The following WDR70 variants were observed in gnomAD, a reference collection of about 807,000 sequenced individuals.
WDR70 encodes WD repeat domain 70.
A neutral mutation model predicts 88.6 loss-of-function variants in WDR70; 53 were observed. The ratio of observed to expected loss-of-function variants is 0.60; its 90% confidence interval spans 0.48 to 0.75. The LOEUF (loss-of-function observed/expected upper bound fraction) is 0.75, where lower values mean the gene tolerates loss of function less well. Among genes scored for constraint, WDR70 ranks in the 30% least tolerant of loss-of-function variants. The pLI is 0.00. For missense variants in WDR70, 610 were observed against 823.2 expected, an observed-to-expected ratio of 0.74 and a Z score of 3.17; for synonymous variants, 280 against 270.0, an observed-to-expected ratio of 1.04 and a Z score of -0.36.
In WDR70 at chr5:37,524,291, G is replaced by A. The variant is rs1339131343; in HGVS notation, c.917+7701G>A. ...AATAACAGCTGATTTCTCGGCAGAA[G>A]CTCTACAAGCCAGAAGAGAGTGGGG... On this transcript the variant is annotated intron_variant, in intron 9 of 17. Coordinates refer to ENST00000265107, the MANE Select transcript of WDR70 (RefSeq NM_018034.4). 3.3e-5 allele frequency among the ~76,000 whole-genome samples: 5 copies of A among 152,266 alleles called. No homozygotes were observed. In the Middle Eastern group the frequency reaches 0.01, roughly 311 times the overall value.
At chr5:37,557,484 A>T (rs1008414712) in intron 9 of WDR70, among the ~76,000 whole-genome samples, 2 of 152,224 alleles carry the variant, frequency 1.3e-5, no homozygotes, top group South Asian at 4.1e-4. Context: ...GTGAACTCTT[A>T]TAAGCACTTT....
intron 9 of WDR70, among the ~76,000 whole-genome samples, chr5:37,565,688 A>AT (rs899967291): frequency 6.6e-6 from 1 of 151,962 alleles, no homozygotes; most frequent in Non-Finnish European, 1.5e-5. Flanking sequence ...GAATTTAAAC[A>AT]TTTTTTTTAA....
intron 4 of WDR70, among the ~76,000 whole-genome samples, chr5:37,394,893 T>C (rs575134712): frequency 1.6e-4 from 25 of 152,228 alleles, no homozygotes; most frequent in Non-Finnish European, 3.1e-4. Context: ...TACCTCTGTT[T>C]AAGGGTAACC....
intron 5 of WDR70, among the ~76,000 whole-genome samples, chr5:37,434,671 T>C (rs1378169828): frequency 6.6e-6 from 1 of 152,210 alleles, no homozygotes; most frequent in Non-Finnish European, 1.5e-5. Context: ...CATATTATTT[T>C]AGATATATTT....
chr5:37,413,870 G>A (rs1749604122), intron 5 of WDR70, among the ~76,000 whole-genome samples: 1 of 151,968 alleles, frequency 6.6e-6, no homozygotes, highest in Non-Finnish European at 1.5e-5. Context: ...ATCTTGCCGG[G>A]CACAGTGGCT....
rs970163407 is a variant in WDR70, at chr5:37,396,448, C to A, written c.370C>A (p.Pro124Thr). ...TGAGTTAATTGGCCCTCCTTTACCC[C>A]CTAAAATGGTAGGAAAACCAGTTAA... The part of the protein sequence containing the change: ...DDELIGPPLP[P>T]KMVGKPVNFM... The change falls in exon 5 of 18, where the codon CCT becomes ACT. Residue 124 changes from proline (P) to threonine (T), a missense_variant. Pro to Thr is a conservative substitution (Grantham distance 38, BLOSUM62 -1). This residue lies in a region of WDR70 where 203 missense variants were observed against 228.1 expected (regional missense o/e 0.89). Transcript: ENST00000265107. The A allele has an allele frequency of 5.6e-6, 9 of 1,613,946 alleles. No homozygotes were observed. The highest frequency in any genetic ancestry group is 7.6e-6 in the Non-Finnish European group (9 of 1,180,002).
At chr5:37,474,572 CTTTTA>C (rs1156239300) in intron 7 of WDR70, among the ~76,000 whole-genome samples, 1 of 152,052 alleles carries the variant, frequency 6.6e-6, no homozygotes, top group Non-Finnish European at 1.5e-5. Context: ...TAATCTTCAG[CTTTTA>C]TTTTAAGTTC....
chr5:37,597,777 G>C (rs2112461830), intron 9 of WDR70, among the ~76,000 whole-genome samples: 1 of 152,256 alleles, frequency 6.6e-6, no homozygotes, highest in African/African-American at 2.4e-5. Flanking sequence ...CTAGCCTGCA[G>C]AACTATGAGC....
At chr5:37,696,073 G>A (rs1397529308) in intron 10 of WDR70, among the ~76,000 whole-genome samples, 1 of 152,156 alleles carries the variant, frequency 6.6e-6, no homozygotes, top group Non-Finnish European at 1.5e-5. Flanking sequence ...TTGTCGCTCT[G>A]TGTGCTGATC....
chr5:37,676,077 T>G (rs1177983793), intron 10 of WDR70, among the ~76,000 whole-genome samples: 1 of 145,590 alleles, frequency 6.9e-6, no homozygotes, highest in Non-Finnish European at 1.5e-5. Context: ...TTTTTGTACA[T>G]TGATTTTGTA....
At chr5:37,451,353 A>G (rs566679403) in intron 7 of WDR70, among the ~76,000 whole-genome samples, 4 of 152,152 alleles carry the variant, frequency 2.6e-5, no homozygotes, top group Non-Finnish European at 5.9e-5. Context: ...GTGCTGTCCA[A>G]TATAACTTTC....
At chr5:37,437,203 T>C (rs971947628) in intron 5 of WDR70, among the ~76,000 whole-genome samples, 1 of 152,198 alleles carries the variant, frequency 6.6e-6, no homozygotes, top group African/African-American at 2.4e-5. Context: ...CCCACTTCAG[T>C]AAATGCTTAT....
At chr5:37,647,854 T>A (rs1685739727) in intron 10 of WDR70, among the ~76,000 whole-genome samples, 1 of 152,188 alleles carries the variant, frequency 6.6e-6, no homozygotes, top group African/African-American at 2.4e-5. Flanking sequence ...CTGAAGCCAG[T>A]ACAGCATTGA....
At chr5:37,533,402 A>G (rs1194861387) in intron 9 of WDR70, among the ~76,000 whole-genome samples, 1 of 152,012 alleles carries the variant, frequency 6.6e-6, no homozygotes, top group Non-Finnish European at 1.5e-5. Context: ...CACTATCCTG[A>G]CCAACATGGT....
intron 8 of WDR70, among the ~76,000 whole-genome samples, chr5:37,494,626 G>C (rs1740163507): frequency 6.6e-6 from 1 of 152,154 alleles, no homozygotes; most frequent in Admixed American, 6.5e-5. Context: ...GTGATATCTA[G>C]AGCCTAAAAC....
chr5:37,596,511 AC>A (rs1282712361), intron 9 of WDR70, among the ~76,000 whole-genome samples: 1 of 152,042 alleles, frequency 6.6e-6, no homozygotes, highest in Admixed American at 6.6e-5. Context: ...AAGGTTACAG[AC>A]CCTTTTCACT....
At chr5:37,539,783 C>G (rs187513493) in intron 9 of WDR70, among the ~76,000 whole-genome samples, 9 of 152,314 alleles carry the variant, frequency 5.9e-5, no homozygotes, top group African/African-American at 2.2e-4. Flanking sequence ...TAGTACATCA[C>G]TAAACTTGTC....
intron 7 of WDR70, among the ~76,000 whole-genome samples, chr5:37,461,103 C>T (rs763273144): frequency 3.0e-5 from 2 of 67,524 alleles, no homozygotes; most frequent in African/African-American, 4.4e-5. Flanking sequence ...TATTTCTAAC[C>T]TCAAAAAAAA....
intron 5 of WDR70, among the ~76,000 whole-genome samples, chr5:37,421,495 C>A (rs999887297): frequency 1.3e-5 from 2 of 152,120 alleles, no homozygotes; most frequent in African/African-American, 4.8e-5. Context: ...AATTATTTTT[C>A]CCTGTGAAAA....
Sources: allele counts gnomAD v4.1 joint callset (sites outside exome capture counted in the v4.1 genomes callset), GRCh38; gene constraint gnomAD v4.1.1; regional missense constraint gnomAD v4.1.1; transcripts MANE v1.5; gene names NCBI Gene and HGNC (gene_info 2026-07-23, HGNC 2026-07-21).